Variants in OR10J1 observed in about 807,000 individuals in gnomAD.
OR10J1 encodes the protein olfactory receptor family 10 subfamily J member 1, also known as olfactory receptor 10J1.
For missense variants in OR10J1, 474 were observed against 376.6 expected (o/e 1.26, Z -2.14); for synonymous variants, 202 against 143.8 (o/e 1.40, Z -2.89).
chr1:159,416,423 A>G, the OR10J1 span, among the ~76,000 whole-genome samples: 1 of 146,524 alleles, frequency 6.8e-6, no homozygotes, highest in Admixed American at 6.8e-5. Flanking sequence ...TTCTTCATCT[A>G]TTGAGATGAT....
chr1:159,402,255 C>A, the OR10J1 span, among the ~76,000 whole-genome samples: 4,509 of 152,068 alleles, frequency 0.03, 236 homozygotes, highest in African/African-American at 0.1. Flanking sequence ...GAAGTCCTAG[C>A]TAGAGCAATC....
rs1296230775 is a variant in OR10J1 at position 159,440,153 on chromosome 1, A to G, written c.362A>G (p.Asp121Gly). The part of the protein sequence containing the change: ...NCFLLTAMGY[D>G]RYVAICNPLR... ...TTCCTGCTCACAGCAATGGGATATG[A>G]CCGCTATGTGGCCATCTGCAACCCC... Residue 121 changes from aspartate (D) to glycine (G), a missense_variant, in exon 1 of 1, where the codon GAC becomes GGC. Coordinates refer to ENST00000423932, the MANE Select transcript of OR10J1 (RefSeq NM_012351.3). 3.1e-6 allele frequency: 5 copies of G among 1,614,118 alleles called. No homozygotes were observed. Among genetic ancestry groups the G allele is most frequent in the Non-Finnish European group, 4.2e-6 (5 of 1,180,012 alleles).
chr1:159,406,880 A>G, the OR10J1 span, among the ~76,000 whole-genome samples: 1 of 152,092 alleles, frequency 6.6e-6, no homozygotes. Flanking sequence ...TTCTTCCCAA[A>G]TATTTGGAGT....
chr1:159,417,219 C>G, the OR10J1 span, among the ~76,000 whole-genome samples: 1 of 152,114 alleles, frequency 6.6e-6, no homozygotes, highest in Non-Finnish European at 1.5e-5. Context: ...TCCCTCTTAG[C>G]ACTGCTTTTG....
chr1:159,430,640 G>GTGTGTGTGT, the OR10J1 span, among the ~76,000 whole-genome samples: 12 of 140,934 alleles, frequency 8.5e-5, no homozygotes, highest in South Asian at 2.4e-4. Context: ...AAAAAATTAT[G>GTGTGTGTGT]GTGTGTGTGT....
chr1:159,413,599 A>C, the OR10J1 span, among the ~76,000 whole-genome samples: 1 of 151,826 alleles, frequency 6.6e-6, no homozygotes, highest in African/African-American at 2.4e-5. Flanking sequence ...ACAAAAAACC[A>C]AACACCAAAT....
chr1:159,421,378 T>C, the OR10J1 span, among the ~76,000 whole-genome samples: 3 of 152,308 alleles, frequency 2.0e-5, no homozygotes, highest in East Asian at 1.9e-4. Context: ...TTTTAAATTC[T>C]TTTTTGGGGA....
chr1:159,400,203 A>T, the OR10J1 span, among the ~76,000 whole-genome samples: 6 of 151,882 alleles, frequency 4.0e-5, no homozygotes, highest in South Asian at 2.1e-4. Flanking sequence ...AATAATAATT[A>T]AAAAAAAGAG....
At chr1:159,406,579 T>A in the OR10J1 span, among the ~76,000 whole-genome samples, 11 of 152,068 alleles carry the variant, frequency 7.2e-5, no homozygotes, top group Non-Finnish European at 1.5e-4. Context: ...CCTACTGGAT[T>A]AAGGGCAGAG....
chr1:159,418,870 T>C, the OR10J1 span, among the ~76,000 whole-genome samples: 3 of 152,212 alleles, frequency 2.0e-5, no homozygotes, highest in South Asian at 6.2e-4. Context: ...GGAACCCACC[T>C]CTTGCATCAG....
chr1:159,418,095 G>A, the OR10J1 span, among the ~76,000 whole-genome samples: 1 of 152,136 alleles, frequency 6.6e-6, no homozygotes, highest in Admixed American at 6.6e-5. Flanking sequence ...AAAGCATTTA[G>A]TTTTAAAAGG....
the OR10J1 span, among the ~76,000 whole-genome samples, chr1:159,404,525 G>T: frequency 6.6e-6 from 1 of 152,038 alleles, no homozygotes; most frequent in Non-Finnish European, 1.5e-5. Context: ...AATTTATTAC[G>T]AGAGGGCAGT....
chr1:159,432,817 CTG>C, the OR10J1 span: 5 of 404,968 alleles, frequency 1.2e-5, no homozygotes, highest in East Asian at 1.8e-4. Flanking sequence ...TCATCAGTCT[CTG>C]TGTCCTTGTT....
At chr1:159,428,185 G>A in the OR10J1 span, among the ~76,000 whole-genome samples, 24 of 152,228 alleles carry the variant, frequency 1.6e-4, no homozygotes, top group African/African-American at 5.1e-4. Flanking sequence ...CAAATGCAAT[G>A]TGAAGAGAAA....
the OR10J1 span, among the ~76,000 whole-genome samples, chr1:159,419,143 G>A: frequency 2.0e-5 from 3 of 152,326 alleles, no homozygotes; most frequent in East Asian, 5.8e-4. Flanking sequence ...GGACTTTTGA[G>A]TTAATGCTGA....
At chr1:159,418,485 G>A in the OR10J1 span, among the ~76,000 whole-genome samples, 2 of 152,184 alleles carry the variant, frequency 1.3e-5, no homozygotes, top group African/African-American at 2.4e-5. Flanking sequence ...ATGTGGTGTC[G>A]AGCCTGCAGG....
the OR10J1 span, among the ~76,000 whole-genome samples, chr1:159,399,937 TGTTAA>T: frequency 2.6e-5 from 4 of 152,120 alleles, no homozygotes; most frequent in African/African-American, 4.8e-5. Context: ...ATGCAAATAG[TGTTAA>T]GTTGTTATCA....
At chr1:159,420,729 A>T in the OR10J1 span, among the ~76,000 whole-genome samples, 1 of 151,886 alleles carries the variant, frequency 6.6e-6, no homozygotes, top group African/African-American at 2.4e-5. Flanking sequence ...TCATACTATT[A>T]TCTCATGGTC....
upstream of OR10J1, among the ~76,000 whole-genome samples, chr1:159,439,284 G>A (rs1007872403): frequency 3.9e-5 from 6 of 152,186 alleles, no homozygotes; most frequent in African/African-American, 1.4e-4. Flanking sequence ...CCCAATCCAT[G>A]CATAATTTGG....
Sources: gnomAD v4.1 joint callset for allele counts (sites outside exome capture counted in the v4.1 genomes callset) on GRCh38, gnomAD v4.1.1 for gene constraint, MANE v1.5 for transcripts, NCBI Gene and HGNC (gene_info 2026-07-23, HGNC 2026-07-21) for gene names.